The following PKHD1 variants were observed in gnomAD, a reference collection of about 807,000 sequenced individuals.
PKHD1 encodes fibrocystin.
A neutral mutation model predicts 412.0 loss-of-function variants in PKHD1; 291 were observed. The observed-to-expected ratio is 0.71, with a 90% CI of 0.64 to 0.78. The LOEUF is 0.78. Ranked by LOEUF, PKHD1 falls within the 30% of genes least tolerant of loss-of-function variation. The pLI is 0.00. For missense variants in PKHD1, 4,825 were observed against 4,950.7 expected, an observed-to-expected ratio of 0.97 and a Z score of 0.76; for synonymous variants, 1,777 against 1,821.5, an observed-to-expected ratio of 0.98 and a Z score of 0.62.
chr6:52,073,470 T>A lies in PKHD1; in HGVS notation c.520A>T (p.Ile174Phe), dbSNP rs765459896. The change falls in exon 7 of 67, where the codon ATT (isoleucine) becomes TTT (phenylalanine). Residue 174 changes from isoleucine to phenylalanine, a missense_variant. Physicochemically the swap from Ile to Phe is conservative, Grantham distance 21. Coordinates refer to ENST00000371117, the MANE Select transcript of PKHD1 (RefSeq NM_138694.4). ...LETFDFDAEY[I>F]DSPVILEAQG... ...AAACAAACACACACTTACCTATCAA[T>A]GTACTCAGCATCAAAATCAAAAGTT... 3.1e-6 allele frequency: 5 copies of A among 1,592,140 alleles called. No homozygotes were observed. In the Admixed American group the frequency reaches 8.3e-5, roughly 27 times the overall value.
At chr6:51,765,409 C>T (rs1269261286) in intron 55 of PKHD1, among the ~76,000 whole-genome samples, 1 of 152,154 alleles carries the variant, frequency 6.6e-6, no homozygotes, top group Non-Finnish European at 1.5e-5. Context: ...CCTCTTATAC[C>T]TGAACAAGGT....
intron 60 of PKHD1, chr6:51,739,867 G>T: frequency 5.5e-6 from 2 of 361,670 alleles, no homozygotes; most frequent in Admixed American, 2.7e-5. Context: ...TCCTGACACT[G>T]CTGGTGCCCC....
chr6:51,920,215 G>C (rs1345983366), intron 37 of PKHD1, among the ~76,000 whole-genome samples: 1 of 152,230 alleles, frequency 6.6e-6, no homozygotes, highest in Non-Finnish European at 1.5e-5. Flanking sequence ...AGTTTTCAAA[G>C]GGAATGCTTC....
intron 55 of PKHD1, among the ~76,000 whole-genome samples, chr6:51,761,597 A>G (rs1255555847): frequency 6.6e-6 from 1 of 151,690 alleles, no homozygotes; most frequent in Non-Finnish European, 1.5e-5. Flanking sequence ...AAGTATCCTT[A>G]CCACAAAAAA....
chr6:51,798,273 G>A (rs1190234621), intron 52 of PKHD1, among the ~76,000 whole-genome samples: 3 of 152,078 alleles, frequency 2.0e-5, no homozygotes, highest in Non-Finnish European at 4.4e-5. Flanking sequence ...CAGCTACTTG[G>A]GAGGCTGAGG....
At chr6:52,065,178 GAGAGAGAGAGAGAGAGAGAC>G (rs1809456998) in intron 12 of PKHD1, 128 bp from the exon 13 acceptor site, 1 of 157,150 alleles carries the variant, frequency 6.4e-6, no homozygotes, top group Admixed American at 7.2e-5. Context: ...TAGAGAGAGA[GAGAGAGAGAGAGAGAGAGAC>G]AGAGAGAGAG....
At chr6:51,756,815 C>G (rs933947866) in intron 55 of PKHD1, among the ~76,000 whole-genome samples, 3 of 151,342 alleles carry the variant, frequency 2.0e-5, no homozygotes, top group African/African-American at 4.8e-5. Flanking sequence ...GAAATTAATC[C>G]TTTACTTCAT....
intron 37 of PKHD1, among the ~76,000 whole-genome samples, chr6:51,926,640 A>G (rs183102464): frequency 1.1e-3 from 165 of 152,274 alleles, no homozygotes; most frequent in African/African-American, 3.8e-3. Flanking sequence ...GTTCACTTAA[A>G]TGTGTTTAAA....
At chr6:51,886,516 A>T (rs1369484116) in intron 44 of PKHD1, among the ~76,000 whole-genome samples, 1 of 152,188 alleles carries the variant, frequency 6.6e-6, no homozygotes, top group East Asian at 1.9e-4. Flanking sequence ...AACCTGGGGG[A>T]CACTGTGCTG....
chr6:51,986,967 C>T (rs1410731188), intron 35 of PKHD1, among the ~76,000 whole-genome samples: 1 of 152,118 alleles, frequency 6.6e-6, no homozygotes. Context: ...GTATAATAGC[C>T]GATACTAGGT....
chr6:52,053,331 T>TG, intron 20 of PKHD1, 80 bp from the exon 21 acceptor site: 4 of 1,423,712 alleles, frequency 2.8e-6, no homozygotes, highest in Non-Finnish European at 1.9e-6. Flanking sequence ...GTTCCCAACC[T>TG]GGGGGGCCTG....
In PKHD1 at chr6:52,058,393, T is replaced by A; in HGVS notation, c.1442A>T (p.Asp481Val). 2 of 1,614,142 alleles carry A rather than the reference T, an allele frequency of 1.2e-6. No homozygotes were observed. Among genetic ancestry groups the A allele is most frequent in the Non-Finnish European group, 1.7e-6 (2 of 1,180,004 alleles). Residue 481 changes from aspartate (D) to valine (V), a missense_variant, in exon 16 of 67, where the codon GAT becomes GTT. Physicochemically the swap from Asp to Val is radical, Grantham distance 152. Transcript: ENST00000371117. ...CTCCCGTAGGTAAGTGGTGACCACA[T>A]CAGGATTCAGCCAGGTGTTGTGAAT... ...VQIHNTWLNP[D>V]VVTTYLREKH...
intron 63 of PKHD1, among the ~76,000 whole-genome samples, chr6:51,643,001 G>T (rs184798721): frequency 1.5e-4 from 23 of 152,232 alleles, no homozygotes; most frequent in Admixed American, 8.5e-4. Flanking sequence ...ACAATGGGGA[G>T]GTGAGTTCCA....
At chr6:51,859,033 T>C (rs1448599518) in intron 48 of PKHD1, among the ~76,000 whole-genome samples, 1 of 152,238 alleles carries the variant, frequency 6.6e-6, no homozygotes, top group Non-Finnish European at 1.5e-5. Flanking sequence ...AATAATGGTC[T>C]CTGGTCTAGG....
intron 60 of PKHD1, among the ~76,000 whole-genome samples, chr6:51,694,589 T>G (rs1025301057): frequency 3.2e-5 from 4 of 126,758 alleles, no homozygotes; most frequent in African/African-American, 1.2e-4. Flanking sequence ...GAGACCAGGT[T>G]TCACCATGTC....
chr6:51,909,499 G>A, intron 39 of PKHD1, 25 bp from the exon 40 acceptor site: 1 of 1,586,116 alleles, frequency 6.3e-7, no homozygotes, highest in Non-Finnish European at 8.7e-7. Context: ...AAAGTCCAGA[G>A]AACCTAAAGC....
chr6:51,660,609 G>A (rs1247660757), intron 60 of PKHD1, among the ~76,000 whole-genome samples: 9 of 152,066 alleles, frequency 5.9e-5, no homozygotes, highest in South Asian at 2.1e-4. Flanking sequence ...CAATTAACTC[G>A]CTAGAGAGGC....
chr6:51,638,077 T>C (rs2784226), intron 64 of PKHD1, among the ~76,000 whole-genome samples: 6,507 of 152,290 alleles, frequency 0.043, 233 homozygotes, highest in African/African-American at 0.093. Context: ...AGGACCCAGA[T>C]ATGTTTATTT....
At chr6:52,028,995 T>A (rs752754836) in intron 29 of PKHD1, among the ~76,000 whole-genome samples, 1 of 152,232 alleles carries the variant, frequency 6.6e-6, no homozygotes, top group African/African-American at 2.4e-5. Flanking sequence ...AACCTCCACT[T>A]TTCTACTGGT....
Sources: gnomAD v4.1 joint callset for allele counts (sites outside exome capture counted in the v4.1 genomes callset) on GRCh38, gnomAD v4.1.1 for gene constraint, MANE v1.5 for transcripts, NCBI Gene and HGNC (gene_info 2026-07-23, HGNC 2026-07-21) for gene names.